The following SLC4A10 variants were observed in gnomAD, a reference collection of about 807,000 sequenced individuals.
The protein encoded by SLC4A10 is sodium-driven chloride bicarbonate exchanger.
A neutral mutation model predicts 137.7 loss-of-function variants in SLC4A10; 42 were observed. The observed-to-expected ratio is 0.30, with a 90% CI of 0.24 to 0.39. The LOEUF is 0.39. Ranked by LOEUF, SLC4A10 falls within the 10% of genes least tolerant of loss-of-function variation. The probability of loss-of-function intolerance (pLI) is 1.00; values close to 1 mark genes in which losing one functional copy is unlikely to be tolerated. For missense variants in SLC4A10, 925 were observed against 1,355.0 expected, an observed-to-expected ratio of 0.68 and a Z score of 4.98; for synonymous variants, 474 against 464.1, an observed-to-expected ratio of 1.02 and a Z score of -0.27.
chr2:161,805,009 GGACTA>G (rs1559288364), intron 3 of SLC4A10, among the ~76,000 whole-genome samples: 1 of 152,016 alleles, frequency 6.6e-6, no homozygotes, highest in East Asian at 1.9e-4. Flanking sequence ...AGACATACCC[GGACTA>G]GACAATTTAC....
chr2:161,789,781 T>G (rs937073539), intron 2 of SLC4A10, among the ~76,000 whole-genome samples: 2 of 152,110 alleles, frequency 1.3e-5, no homozygotes, highest in African/African-American at 4.8e-5. Flanking sequence ...CTTTGAAGGA[T>G]AAATAGGAGT....
At chr2:161,901,489 T>C (rs552369454) in intron 12 of SLC4A10, among the ~76,000 whole-genome samples, 94 of 152,310 alleles carry the variant, frequency 6.2e-4, no homozygotes, top group African/African-American at 2.2e-3. Flanking sequence ...TTTGAAGAGA[T>C]GAAAGCTTCA....
At chr2:161,888,757 C>A (rs964110647) in intron 10 of SLC4A10, among the ~76,000 whole-genome samples, 1 of 152,126 alleles carries the variant, frequency 6.6e-6, no homozygotes, top group Non-Finnish European at 1.5e-5. Context: ...TTCCTCTCTT[C>A]CTATTTGAAT....
At chr2:161,847,022 A>C (rs2059538859) in intron 4 of SLC4A10, among the ~76,000 whole-genome samples, 1 of 151,578 alleles carries the variant, frequency 6.6e-6, no homozygotes, top group East Asian at 1.9e-4. Context: ...GGATTACTTG[A>C]GGCCAGGAGT....
At chr2:161,726,469 A>G (rs2046232502) in intron 1 of SLC4A10, among the ~76,000 whole-genome samples, 1 of 152,230 alleles carries the variant, frequency 6.6e-6, no homozygotes, top group South Asian at 2.1e-4. Context: ...GAAAAAATTG[A>G]CGAAATTTTG....
rs71009338 is a variant in SLC4A10 at position 161,767,178 on chromosome 2, A to ATG, written c.49-3771_49-3770dup. ...GTGTGTGTGTGTTTTATTTATATAT[A>ATG]TGTGTGTGTGTGTGTGTGTGTGTGT... On this transcript the variant is annotated intron_variant, in intron 1 of 26. Coordinates refer to ENST00000446997, the MANE Select transcript of SLC4A10 (RefSeq NM_001178015.2). Among the ~76,000 whole-genome samples the ATG allele has an allele frequency of 3.9e-3, 373 of 95,922 alleles. 3 individuals are homozygous for ATG. Among genetic ancestry groups the ATG allele is most frequent in the East Asian group, 0.014 (42 of 2,974 alleles). The allele number at this position is 95,922 out of a possible 152,430, so 62.9% of individuals were successfully genotyped here. A position where few individuals can be genotyped will look rare whatever the true frequency, so the allele number is the denominator to read the frequency against.
chr2:161,979,790 C>A (rs1296831874), intron 26 of SLC4A10, among the ~76,000 whole-genome samples: 1 of 152,200 alleles, frequency 6.6e-6, no homozygotes, highest in Non-Finnish European at 1.5e-5. Flanking sequence ...GGCACCCATG[C>A]AGCCTTTGAC....
intron 10 of SLC4A10, among the ~76,000 whole-genome samples, chr2:161,891,973 G>C (rs564031336): frequency 6.6e-6 from 1 of 152,018 alleles, no homozygotes; most frequent in Admixed American, 6.6e-5. Flanking sequence ...AGGGAAGTCT[G>C]ATATACACTG....
intron 15 of SLC4A10, among the ~76,000 whole-genome samples, chr2:161,923,067 G>A (rs535377404): frequency 2.0e-5 from 3 of 152,258 alleles, no homozygotes; most frequent in East Asian, 1.9e-4. Context: ...GAAGACAGCC[G>A]CAGGCTCTTC....
At chr2:161,720,911 C>T (rs943943207) in intron 1 of SLC4A10, among the ~76,000 whole-genome samples, 1 of 151,776 alleles carries the variant, frequency 6.6e-6, no homozygotes, top group Non-Finnish European at 1.5e-5. Flanking sequence ...GTCACTGCAA[C>T]CTCTGCCCCC....
At chr2:161,896,660 T>G (rs145605013) in intron 11 of SLC4A10, among the ~76,000 whole-genome samples, 3,371 of 152,170 alleles carry the variant, frequency 0.022, 62 homozygotes, top group Non-Finnish European at 0.034. Flanking sequence ...TGGAAGAACA[T>G]TCCATGCTCA....
intron 1 of SLC4A10, among the ~76,000 whole-genome samples, chr2:161,675,957 G>A (rs2040235594): frequency 6.6e-6 from 1 of 152,028 alleles, no homozygotes; most frequent in Admixed American, 6.6e-5. Context: ...TTTCCTTTTG[G>A]ATTTTTATTT....
chr2:161,927,801 G>A (rs1689455130), intron 15 of SLC4A10, among the ~76,000 whole-genome samples: 1 of 152,192 alleles, frequency 6.6e-6, no homozygotes, highest in South Asian at 2.1e-4. Flanking sequence ...TCAGAGAAAT[G>A]CAAATCAAAA....
At chr2:161,856,865 C>G (rs2060135021) in intron 5 of SLC4A10, among the ~76,000 whole-genome samples, 1 of 152,102 alleles carries the variant, frequency 6.6e-6, no homozygotes, top group Admixed American at 6.5e-5. Context: ...AGGCCTTGCT[C>G]TAAGGCGTTT....
chr2:161,971,855 A>G (rs1280487291), intron 23 of SLC4A10, among the ~76,000 whole-genome samples: 1 of 152,216 alleles, frequency 6.6e-6, no homozygotes, highest in East Asian at 1.9e-4. Flanking sequence ...TTTGGATAGA[A>G]TTATGACTAG....
At chr2:161,816,855 A>C (rs996834252) in intron 3 of SLC4A10, among the ~76,000 whole-genome samples, 14 of 152,222 alleles carry the variant, frequency 9.2e-5, no homozygotes, top group Admixed American at 2.6e-4. Context: ...TATATGTGCC[A>C]CATTTTCTTA....
intron 1 of SLC4A10, among the ~76,000 whole-genome samples, chr2:161,663,005 C>A (rs1376725418): frequency 6.6e-6 from 1 of 152,176 alleles, no homozygotes; most frequent in East Asian, 1.9e-4. Context: ...GTCCACCCCC[C>A]TTCCCCCAAC....
chr2:161,628,932 T>G (rs544967259), intron 1 of SLC4A10, among the ~76,000 whole-genome samples: 8 of 152,066 alleles, frequency 5.3e-5, no homozygotes, highest in Non-Finnish European at 8.8e-5. Flanking sequence ...TGGGCCAAGG[T>G]CTGGAACTCA....
At chr2:161,880,462 T>G (rs1215944435) in intron 9 of SLC4A10, among the ~76,000 whole-genome samples, 2 of 152,134 alleles carry the variant, frequency 1.3e-5, no homozygotes, top group Non-Finnish European at 2.9e-5. Flanking sequence ...GGAACGGGAT[T>G]CAGTGGTTAA....
Sources: allele counts gnomAD v4.1 joint callset (sites outside exome capture counted in the v4.1 genomes callset), GRCh38; gene constraint gnomAD v4.1.1; transcripts MANE v1.5; gene names NCBI Gene and HGNC (gene_info 2026-07-23, HGNC 2026-07-21).